The following MMP16 variants were observed in gnomAD, a reference collection of about 807,000 sequenced individuals.
MMP16 encodes matrix metalloproteinase-16.
Under a neutral mutation model 67.8 loss-of-function variants are expected in MMP16, and 12 were observed. That is an observed-to-expected ratio of 0.18 (90% CI 0.11 to 0.29). The LOEUF is 0.29. Among genes scored for constraint, MMP16 ranks in the 10% least tolerant of loss-of-function variants. The pLI, the probability that MMP16 is intolerant of heterozygous loss-of-function variation, is 1.00. For missense variants in MMP16, 475 were observed against 765.7 expected (o/e 0.62, Z 4.48); for synonymous variants, 249 against 255.9 (o/e 0.97, Z 0.26).
intron 1 of MMP16, 180 bp downstream of exon 1, chr8:88,326,895 G>T: frequency 3.2e-6 from 2 of 629,808 alleles, no homozygotes; most frequent in South Asian, 4.0e-5. Context: ...CGGATTCTGG[G>T]TCTCACACGC....
intron 2 of MMP16, among the ~76,000 whole-genome samples, chr8:88,186,906 G>T (rs1195490827): frequency 1.3e-5 from 2 of 152,076 alleles, no homozygotes; most frequent in Non-Finnish European, 2.9e-5. Flanking sequence ...CTAAGAATTT[G>T]CTGTTAACAA....
intron 1 of MMP16, among the ~76,000 whole-genome samples, chr8:88,281,981 C>T (rs979903694): frequency 9.9e-5 from 15 of 151,042 alleles, no homozygotes; most frequent in African/African-American, 3.2e-4. Context: ...CCTTCCTGTT[C>T]TTGGTAACTA....
chr8:88,193,134 G>A (rs192907563), intron 2 of MMP16, among the ~76,000 whole-genome samples: 148 of 152,250 alleles, frequency 9.7e-4, no homozygotes, highest in South Asian at 8.1e-3. Context: ...ATTCACAACA[G>A]CTAAGATATG....
chr8:88,285,218 C>T (rs968334107), intron 1 of MMP16, among the ~76,000 whole-genome samples: 4 of 152,148 alleles, frequency 2.6e-5, no homozygotes, highest in African/African-American at 9.7e-5. Context: ...TGGCTCACTG[C>T]AACCTCCGCC....
In MMP16 at chr8:88,137,572, T is replaced by C. The variant is rs528432367; in HGVS notation, c.710-18711A>G. On this transcript the variant is annotated intron_variant, in intron 4 of 9. Transcript: ENST00000286614. Reference sequence around the variant, plus strand: ...TATGACATGTCTGAGTAATAATCTTTGTATTCAATGTGATTGGGGTTCAAA... The same window carrying C: ...TATGACATGTCTGAGTAATAATCTTCGTATTCAATGTGATTGGGGTTCAAA... 1.2e-4 allele frequency among the ~76,000 whole-genome samples: 18 copies of C among 152,180 alleles called. No homozygotes were observed. In the South Asian group the frequency reaches 3.3e-3, roughly 28 times the overall value.
intron 1 of MMP16, chr8:88,326,830 G>C (rs1028222035): frequency 9.4e-6 from 4 of 424,808 alleles, no homozygotes; most frequent in African/African-American, 2.0e-5. Context: ...AGCATGGACC[G>C]GCTACAATTG....
chr8:88,054,941 T>C (rs1419792391), intron 8 of MMP16, among the ~76,000 whole-genome samples: 1 of 152,178 alleles, frequency 6.6e-6, no homozygotes, highest in Non-Finnish European at 1.5e-5. Context: ...TTTGTATGTG[T>C]GTATTTTCTT....
chr8:88,061,170 A>ACC (rs1022006009), intron 7 of MMP16, among the ~76,000 whole-genome samples: 22 of 138,688 alleles, frequency 1.6e-4, no homozygotes, highest in East Asian at 8.4e-4. Context: ...ACACACACAC[A>ACC]CCCCTCATCC....
At chr8:88,110,706 T>C (rs1424533686) in intron 6 of MMP16, among the ~76,000 whole-genome samples, 6 of 151,630 alleles carry the variant, frequency 4.0e-5, no homozygotes, top group Non-Finnish European at 5.9e-5. Flanking sequence ...TAAAGTGATA[T>C]GATATGAATA....
At chr8:88,287,789 T>A (rs1447559328) in intron 1 of MMP16, among the ~76,000 whole-genome samples, 3 of 152,182 alleles carry the variant, frequency 2.0e-5, no homozygotes, top group African/African-American at 7.2e-5. Context: ...TGCCCAGAGC[T>A]TTGAGTAATC....
intron 2 of MMP16, among the ~76,000 whole-genome samples, chr8:88,186,849 C>A (rs1012405570): frequency 6.6e-6 from 1 of 151,556 alleles, no homozygotes; most frequent in African/African-American, 2.4e-5. Flanking sequence ...ATTTTCTTCT[C>A]TCTAATTTAT....
chr8:88,326,973 G>A (rs1276815201), intron 1 of MMP16, 102 bp downstream of exon 1: 5 of 1,484,538 alleles, frequency 3.4e-6, no homozygotes, highest in Admixed American at 1.8e-5. Context: ...CAACGTGCTG[G>A]GACCCAGGCT....
At chr8:88,158,281 CCCA>C (rs1808549780) in intron 4 of MMP16, among the ~76,000 whole-genome samples, 2 of 152,206 alleles carry the variant, frequency 1.3e-5, no homozygotes, top group African/African-American at 2.4e-5. Flanking sequence ...AGTTTACACT[CCCA>C]CCAACAGTGT....
chr8:88,074,841 T>C (rs1808619005), intron 6 of MMP16, 98 bp from the exon 7 acceptor site: 2 of 1,411,558 alleles, frequency 1.4e-6, no homozygotes, highest in East Asian at 4.6e-5. Flanking sequence ...GCTGGTTTCC[T>C]TATTTATTGT....
intron 1 of MMP16, among the ~76,000 whole-genome samples, chr8:88,244,483 C>T (rs1399120213): frequency 2.0e-5 from 3 of 152,058 alleles, no homozygotes; most frequent in Admixed American, 1.3e-4. Flanking sequence ...TACATCATTC[C>T]TTTCCTTCAT....
rs925565512 is a variant in MMP16, at chr8:88,093,615, C to T, written c.1084-18872G>A. 2.6e-5 allele frequency among the ~76,000 whole-genome samples: 4 copies of T among 151,806 alleles called. No homozygotes were observed. The East Asian group carries it at 7.8e-4, about 30-fold the overall frequency. The stretch of plus-strand genomic sequence containing the variant: ...ATGTTGTTTGGTATCCAGATTTTAG[C>T]TGTTCTTTGTACTTCTTTATAAATA... On this transcript the variant is annotated intron_variant, in intron 6 of 9. Transcript: ENST00000286614.
intron 6 of MMP16, among the ~76,000 whole-genome samples, chr8:88,085,375 T>C (rs1286387401): frequency 1.3e-5 from 2 of 152,060 alleles, no homozygotes; most frequent in Admixed American, 1.3e-4. Flanking sequence ...GGGGAAAACC[T>C]GTTCAAAGCA....
intron 3 of MMP16, among the ~76,000 whole-genome samples, chr8:88,185,460 G>A (rs1170609198): frequency 6.6e-6 from 1 of 151,788 alleles, no homozygotes; most frequent in Non-Finnish European, 1.5e-5. Flanking sequence ...AAAAAACGTC[G>A]CCAAAATAAC....
chr8:88,208,529 A>G (rs1160672718), intron 1 of MMP16, among the ~76,000 whole-genome samples: 1 of 152,178 alleles, frequency 6.6e-6, no homozygotes, highest in Non-Finnish European at 1.5e-5. Flanking sequence ...ACCTGGCCCC[A>G]AACACAACAT....
Sources: allele counts gnomAD v4.1 joint callset (sites outside exome capture counted in the v4.1 genomes callset), GRCh38; gene constraint gnomAD v4.1.1; transcripts MANE v1.5; gene names NCBI Gene and HGNC (gene_info 2026-07-23, HGNC 2026-07-21).